ZNF521: variants seen among roughly 807,000 people sequenced by gnomAD.
The protein encoded by ZNF521 is LYST-interacting protein 3.
In ZNF521, 14 loss-of-function variants were observed where a neutral mutation model predicts 105.5. The observed-to-expected ratio is 0.13, with a 90% CI of 0.09 to 0.21. The LOEUF (loss-of-function observed/expected upper bound fraction) is 0.21, where lower values mean the gene tolerates loss of function less well. ZNF521 is among the 10% of genes least tolerant of loss of function. The probability of loss-of-function intolerance (pLI) is 1.00; values close to 1 mark genes in which losing one functional copy is unlikely to be tolerated. For synonymous variants in ZNF521, 635 were observed against 606.0 expected (o/e 1.05, Z -0.70); for missense variants, 1,233 against 1,629.7 (o/e 0.76, Z 4.19).
At chr18:25,185,571 T>C (rs1203339969) in intron 5 of ZNF521, among the ~76,000 whole-genome samples, 2 of 152,164 alleles carry the variant, frequency 1.3e-5, no homozygotes, top group Non-Finnish European at 2.9e-5. Context: ...ACAATCACCC[T>C]TCACTGCAAT....
At chr18:25,346,702 C>T (rs969601685) in intron 2 of ZNF521, among the ~76,000 whole-genome samples, 2 of 152,176 alleles carry the variant, frequency 1.3e-5, no homozygotes, top group African/African-American at 4.8e-5. Context: ...GTGATAACTT[C>T]AAAATGTGCC....
At chr18:25,210,229 T>C (rs1291804399) in intron 4 of ZNF521, among the ~76,000 whole-genome samples, 1 of 152,202 alleles carries the variant, frequency 6.6e-6, no homozygotes, top group Non-Finnish European at 1.5e-5. Flanking sequence ...GGGTAAAGTA[T>C]GTTGAATGCC....
chr18:25,196,952 C>A (rs185895109), intron 4 of ZNF521, among the ~76,000 whole-genome samples: 1 of 151,774 alleles, frequency 6.6e-6, no homozygotes, highest in East Asian at 1.9e-4. Flanking sequence ...GTAAAACATA[C>A]AATATGTCGA....
intron 4 of ZNF521, among the ~76,000 whole-genome samples, chr18:25,206,609 T>C (rs1199082933): frequency 6.6e-6 from 1 of 152,236 alleles, no homozygotes; most frequent in African/African-American, 2.4e-5. Flanking sequence ...AAATTACCTT[T>C]GTTCTTTATA....
chr18:25,096,283 A>C (rs1312966442), intron 5 of ZNF521, among the ~76,000 whole-genome samples: 1 of 152,198 alleles, frequency 6.6e-6, no homozygotes, highest in Admixed American at 6.5e-5. Flanking sequence ...CACTTACAAA[A>C]TTTTGTGCTC....
intron 3 of ZNF521, among the ~76,000 whole-genome samples, chr18:25,232,348 C>T (rs1906589255): frequency 6.6e-6 from 1 of 152,224 alleles, no homozygotes; most frequent in African/African-American, 2.4e-5. Context: ...CTTATCATGG[C>T]TGGAAGAAAA....
chr18:25,078,135 G>A (rs1324624121), intron 7 of ZNF521, among the ~76,000 whole-genome samples: 1 of 152,158 alleles, frequency 6.6e-6, no homozygotes, highest in Non-Finnish European at 1.5e-5. Flanking sequence ...AGGCCCAGGA[G>A]TTATTCAATC....
intron 3 of ZNF521, among the ~76,000 whole-genome samples, chr18:25,310,183 T>A (rs1390216797): frequency 6.6e-6 from 1 of 152,142 alleles, no homozygotes; most frequent in Non-Finnish European, 1.5e-5. Context: ...TGAGTCTTCA[T>A]TACATAGATA....
intron 4 of ZNF521, among the ~76,000 whole-genome samples, chr18:25,211,619 T>C (rs891733101): frequency 2.0e-5 from 3 of 152,234 alleles, no homozygotes; most frequent in African/African-American, 4.8e-5. Context: ...GTTTCTTACA[T>C]AGTTTTGGAA....
intron 5 of ZNF521, among the ~76,000 whole-genome samples, chr18:25,093,887 C>T (rs916232924): frequency 6.6e-6 from 1 of 152,090 alleles, no homozygotes; most frequent in African/African-American, 2.4e-5. Context: ...AGATTTTAGA[C>T]ATTAAGAAAT....
chr18:25,115,756 G>T (rs997008889), intron 5 of ZNF521, among the ~76,000 whole-genome samples: 1 of 152,172 alleles, frequency 6.6e-6, no homozygotes, highest in African/African-American at 2.4e-5. Flanking sequence ...AGTGATGAAT[G>T]TTCAAGCCCC....
chr18:25,193,875 T>C (rs1408160024), intron 5 of ZNF521, among the ~76,000 whole-genome samples: 3 of 151,890 alleles, frequency 2.0e-5, no homozygotes, highest in African/African-American at 7.2e-5. Context: ...ATAAGTTCCA[T>C]TTTGCACAAA....
At position 25,271,101 on chromosome 18, in the gene ZNF521, A is replaced by T. The variant is rs1486889963; in HGVS notation, c.221-43404T>A. Among the ~76,000 whole-genome samples, 4 of 152,216 alleles carry T rather than the reference A, an allele frequency of 2.6e-5. No individual in the cohort carries two copies. The East Asian group carries it at 7.7e-4, about 29-fold the overall frequency. Reference sequence around the variant, plus strand: ...TCAGGATACAAAATCAATTGCGAAAATCACAAGCATTCCTATACACCAATA... The same window carrying T: ...TCAGGATACAAAATCAATTGCGAAATTCACAAGCATTCCTATACACCAATA... On this transcript the variant is annotated intron_variant, in intron 3 of 7. Transcript: ENST00000361524.
chr18:25,068,224 C>T (rs1275018699), intron 7 of ZNF521, among the ~76,000 whole-genome samples: 1 of 152,178 alleles, frequency 6.6e-6, no homozygotes, highest in Non-Finnish European at 1.5e-5. Context: ...TTAAATGTGG[C>T]TGTTTCTTTC....
At chr18:25,216,274 G>C (rs1568014231) in intron 4 of ZNF521, among the ~76,000 whole-genome samples, 1 of 151,922 alleles carries the variant, frequency 6.6e-6, no homozygotes, top group Non-Finnish European at 1.5e-5. Flanking sequence ...TTGATTCTAA[G>C]ACACTTAAAA....
chr18:25,180,749 C>T (rs1376136357), intron 5 of ZNF521, among the ~76,000 whole-genome samples: 3 of 152,056 alleles, frequency 2.0e-5, no homozygotes, highest in Non-Finnish European at 4.4e-5. Flanking sequence ...CAGCCCAAAA[C>T]GATTGAGAAC....
At chr18:25,169,128 T>C (rs370899611) in intron 5 of ZNF521, among the ~76,000 whole-genome samples, 3 of 152,360 alleles carry the variant, frequency 2.0e-5, no homozygotes, top group East Asian at 1.9e-4. Flanking sequence ...CTTTCCCTTT[T>C]AACTGTCCAA....
At chr18:25,191,326 T>C (rs1376141050) in intron 5 of ZNF521, among the ~76,000 whole-genome samples, 1 of 152,206 alleles carries the variant, frequency 6.6e-6, no homozygotes, top group Non-Finnish European at 1.5e-5. Flanking sequence ...AGCTATATCC[T>C]GACTACTTGT....
intron 5 of ZNF521, among the ~76,000 whole-genome samples, chr18:25,126,960 A>C (rs1464145630): frequency 6.6e-6 from 1 of 152,082 alleles, no homozygotes; most frequent in East Asian, 1.9e-4. Flanking sequence ...GTGACTCATA[A>C]GGTCTGTGCC....
Sources: gnomAD v4.1 joint callset for allele counts (sites outside exome capture counted in the v4.1 genomes callset) on GRCh38, gnomAD v4.1.1 for gene constraint, MANE v1.5 for transcripts, NCBI Gene and HGNC (gene_info 2026-07-23, HGNC 2026-07-21) for gene names.